MEIOB: variants seen among roughly 807,000 people sequenced by gnomAD.
MEIOB encodes the protein meiosis-specific with OB domain-containing protein.
In MEIOB, 50 loss-of-function variants were observed where a neutral mutation model predicts 53.1. The ratio of observed to expected loss-of-function variants is 0.94; its 90% CI spans 0.75 to 1.19. The LOEUF is 1.19. Among genes scored for constraint, MEIOB ranks in the 50% most tolerant of loss-of-function variants. MEIOB has a pLI of 0.00. For synonymous variants in MEIOB, 192 were observed against 182.5 expected (o/e 1.05, Z -0.42); for missense variants, 551 against 550.8 (o/e 1.00, Z 0.00).
chr16:1,870,901 T>C (rs1899725241), intron 1 of MEIOB, among the ~76,000 whole-genome samples: 1 of 152,148 alleles, frequency 6.6e-6, no homozygotes, highest in Non-Finnish European at 1.5e-5. Context: ...GTCGAGAGGA[T>C]GAGTCAGACA....
At chr16:1,842,635 G>A (rs1399290405) in intron 10 of MEIOB, among the ~76,000 whole-genome samples, 2 of 102,154 alleles carry the variant, frequency 2.0e-5, no homozygotes, top group African/African-American at 4.0e-5. Flanking sequence ...AAAAGACAGT[G>A]ACTCGATTTT....
chr16:1,841,418 G>C (rs915483404), intron 11 of MEIOB, among the ~76,000 whole-genome samples: 1 of 152,030 alleles, frequency 6.6e-6, no homozygotes, highest in Non-Finnish European at 1.5e-5. Flanking sequence ...GGGCTCAACC[G>C]ATCCTCCCAC....
chr16:1,860,372 C>CACAATCTCTGTGCTAGACATTCTG, intron 5 of MEIOB, 31 bp downstream of exon 5: 2 of 1,216,522 alleles, frequency 1.6e-6, no homozygotes, highest in East Asian at 5.1e-5. Context: ...TGATCATTCT[C>CACAATCTCTGTGCTAGACATTCTG]GCACAATCTC....
chr16:1,852,352 T>C (rs1170328659), intron 9 of MEIOB, among the ~76,000 whole-genome samples: 2 of 132,126 alleles, frequency 1.5e-5, no homozygotes, highest in Admixed American at 9.6e-5. Flanking sequence ...AACCTCCACC[T>C]CCTGGGTTGA....
intron 10 of MEIOB, among the ~76,000 whole-genome samples, chr16:1,842,695 A>T (rs180823964): frequency 6.7e-6 from 1 of 148,728 alleles, no homozygotes. Context: ...ACAGAGTCTC[A>T]CTCTGTCGCC....
intron 9 of MEIOB, among the ~76,000 whole-genome samples, chr16:1,850,260 T>G (rs1489852203): frequency 1.3e-5 from 2 of 152,126 alleles, no homozygotes; most frequent in African/African-American, 4.8e-5. Context: ...GGATGAAGAT[T>G]TTACTATCAC....
chr16:1,856,213 T>C (rs1472676747), intron 6 of MEIOB, among the ~76,000 whole-genome samples: 5 of 150,846 alleles, frequency 3.3e-5, no homozygotes. Context: ...TGGAGGGCAG[T>C]GGTACGATCT....
intron 5 of MEIOB, among the ~76,000 whole-genome samples, chr16:1,860,091 T>C (rs1298826872): frequency 6.6e-6 from 1 of 152,234 alleles, no homozygotes; most frequent in Non-Finnish European, 1.5e-5. Flanking sequence ...GAAGGATACC[T>C]TGACATGAAA....
At chr16:1,865,346 C>T (rs191361085) in intron 3 of MEIOB, among the ~76,000 whole-genome samples, 13 of 151,396 alleles carry the variant, frequency 8.6e-5, no homozygotes, top group African/African-American at 1.5e-4. Context: ...GCAGGAGAAT[C>T]GATTGAACCC....
At chr16:1,851,220 T>C (rs1466746941) in intron 9 of MEIOB, among the ~76,000 whole-genome samples, 1 of 152,196 alleles carries the variant, frequency 6.6e-6, no homozygotes, top group Non-Finnish European at 1.5e-5. Flanking sequence ...GAACAGCTCC[T>C]GCTGGCCTTG....
chr16:1,847,626 G>C, intron 9 of MEIOB, among the ~76,000 whole-genome samples: 1 of 151,804 alleles, frequency 6.6e-6, no homozygotes, highest in Middle Eastern at 3.4e-3. Context: ...AGGGGAGAAA[G>C]AAAAAACAGA....
At chr16:1,862,642 C>T (rs929367903) in intron 3 of MEIOB, among the ~76,000 whole-genome samples, 4 of 151,688 alleles carry the variant, frequency 2.6e-5, no homozygotes, top group Admixed American at 6.6e-5. Flanking sequence ...AAAAATAGGC[C>T]GGGCGCAATG....
intron 10 of MEIOB, among the ~76,000 whole-genome samples, chr16:1,844,145 C>T (rs1397287381): frequency 9.8e-5 from 13 of 132,860 alleles, no homozygotes; most frequent in African/African-American, 1.4e-4. Context: ...TTTTTTGAGA[C>T]GGGGTCTCGC....
chr16:1,838,724 C>T (rs997789018), intron 12 of MEIOB, among the ~76,000 whole-genome samples: 3 of 152,020 alleles, frequency 2.0e-5, no homozygotes, highest in Non-Finnish European at 4.4e-5. Context: ...ACAAGTCTTG[C>T]TCTATCACTC....
Position 1,837,196 on chromosome 16 carries a change from C to G in MEIOB, c.1305+588G>C, listed in dbSNP as rs1312998261. Among the ~76,000 whole-genome samples the G allele has an allele frequency of 2.7e-5, 4 of 149,010 alleles. No homozygotes were observed. In the East Asian group the frequency reaches 7.9e-4, roughly 30 times the overall value. On this transcript the variant is annotated intron_variant, in intron 13 of 13. Coordinates refer to ENST00000325962, the MANE Select transcript of MEIOB (RefSeq NM_001163560.3). ...AGGATCATGGAATTTTGCAGGTTAG[C>G]AAATTTAATTAACCTCTGCAGGGTC...
intron 12 of MEIOB, chr16:1,838,118 C>T (rs142700439): frequency 1.7e-4 from 107 of 620,192 alleles, no homozygotes; most frequent in African/African-American, 1.7e-3. Flanking sequence ...CTCAGCTTCC[C>T]GTTTCTGAGG....
chr16:1,853,221 G>A lies in MEIOB; in HGVS notation c.680C>T (p.Thr227Ile). 1 of 1,552,392 alleles carries A rather than the reference G, an allele frequency of 6.4e-7. No individual in the cohort carries two copies. The highest frequency in any genetic ancestry group is 2.0e-5 in the Admixed American group (1 of 51,126). The part of the protein sequence containing the change: ...LLAQSWMPRE[T>I]VIFASDVRIN... Reference sequence around the variant, plus strand: ...ACACAATCATTGAATGATAATACCTGTTTCTCGTGGCATCCAGCTCTGTGC... The same window carrying A: ...ACACAATCATTGAATGATAATACCTATTTCTCGTGGCATCCAGCTCTGTGC... The change falls in exon 8 of 14, where the codon ACA becomes ATA. Residue 227 changes from threonine (T) to isoleucine (I), a missense_variant and splice_region_variant. By Grantham distance (89) the Thr-to-Ile change is moderately conservative. Coordinates refer to ENST00000325962, the MANE Select transcript of MEIOB (RefSeq NM_001163560.3).
chr16:1,835,862 CTTT>C (rs34146401), intron 13 of MEIOB, among the ~76,000 whole-genome samples: 22 of 142,800 alleles, frequency 1.5e-4, no homozygotes, highest in South Asian at 9.0e-4. Context: ...ATTCCTTTTT[CTTT>C]TTTTTTTTTT....
At chr16:1,839,510 A>G in intron 11 of MEIOB, 72 bp from the exon 12 acceptor site, 1 of 1,381,022 alleles carries the variant, frequency 7.2e-7, no homozygotes, top group African/African-American at 1.5e-5. Flanking sequence ...CAGAAAAAGA[A>G]TTGTCACTAA....
Sources: gnomAD v4.1 joint callset for allele counts (sites outside exome capture counted in the v4.1 genomes callset) on GRCh38, gnomAD v4.1.1 for gene constraint, MANE v1.5 for transcripts, NCBI Gene and HGNC (gene_info 2026-07-23, HGNC 2026-07-21) for gene names.